Variants in SPECC1L observed in about 807,000 individuals in gnomAD.
The protein encoded by SPECC1L is sperm antigen with calponin homology and coiled-coil domains 1 like.
In SPECC1L, 40 loss-of-function variants were observed where a neutral mutation model predicts 116.8. The observed-to-expected ratio is 0.34, with a 90% CI of 0.27 to 0.45. SPECC1L has a LOEUF of 0.45. Among genes scored for constraint, SPECC1L ranks in the 20% least tolerant of loss-of-function variants. The pLI is 1.00. For missense variants in SPECC1L, 1,110 were observed against 1,373.6 expected, an observed-to-expected ratio of 0.81 and a Z score of 3.03; for synonymous variants, 504 against 500.6, an observed-to-expected ratio of 1.01 and a Z score of -0.09.
intron 4 of SPECC1L, 73 bp downstream of exon 4, chr22:24,313,539 G>A: frequency 6.5e-7 from 1 of 1,549,626 alleles, no homozygotes; most frequent in Non-Finnish European, 8.9e-7. Context: ...GGTGTTTACA[G>A]TGTTCCATCT....
chr22:24,350,035 C>T (rs527544953), intron 11 of SPECC1L, among the ~76,000 whole-genome samples: 1 of 152,304 alleles, frequency 6.6e-6, no homozygotes, highest in Admixed American at 6.5e-5. Flanking sequence ...CTTTCTTGCT[C>T]ACCCTGCCTC....
At chr22:24,276,417 A>C (rs1325073584) in intron 1 of SPECC1L, among the ~76,000 whole-genome samples, 1 of 152,114 alleles carries the variant, frequency 6.6e-6, no homozygotes, top group Non-Finnish European at 1.5e-5. Flanking sequence ...TGGGCTACGA[A>C]GCGAGACTCT....
chr22:24,277,960 T>C (rs190165935), intron 2 of SPECC1L, among the ~76,000 whole-genome samples: 303 of 152,380 alleles, frequency 2.0e-3, no homozygotes, highest in African/African-American at 6.5e-3. Context: ...GAGAAACTGC[T>C]ATAATGTTCT....
At chr22:24,293,410 G>A (rs1175385673) in intron 2 of SPECC1L, among the ~76,000 whole-genome samples, 1 of 152,106 alleles carries the variant, frequency 6.6e-6, no homozygotes, top group African/African-American at 2.4e-5. Context: ...CCGAGGTCGT[G>A]CCACTGTACT....
intron 11 of SPECC1L, among the ~76,000 whole-genome samples, chr22:24,348,411 GCCC>G (rs2041348639): frequency 6.6e-6 from 1 of 152,128 alleles, no homozygotes; most frequent in South Asian, 2.1e-4. Context: ...GGTTGAACTG[GCCC>G]TATACCTGTC....
chr22:24,296,669 TG>T (rs770467180), intron 2 of SPECC1L, among the ~76,000 whole-genome samples: 3 of 152,238 alleles, frequency 2.0e-5, no homozygotes, highest in Non-Finnish European at 2.9e-5. Flanking sequence ...AATCTCTGCC[TG>T]GGGGGGCTCT....
At chr22:24,283,288 C>T (rs528333271) in intron 2 of SPECC1L, among the ~76,000 whole-genome samples, 114 of 151,852 alleles carry the variant, frequency 7.5e-4, no homozygotes, top group Admixed American at 8.5e-4. Context: ...CCGTGTTAGC[C>T]AGGATGGTCT....
intron 9 of SPECC1L, among the ~76,000 whole-genome samples, chr22:24,335,100 AC>A (rs2041025213): frequency 6.6e-6 from 1 of 152,054 alleles, no homozygotes; most frequent in Non-Finnish European, 1.5e-5. Context: ...GTTCTTTCTT[AC>A]CACTACATCT....
intron 14 of SPECC1L, among the ~76,000 whole-genome samples, chr22:24,391,782 A>C (rs1325196176): frequency 2.0e-5 from 3 of 152,124 alleles, no homozygotes; most frequent in African/African-American, 7.2e-5. Context: ...GGAACTCTAC[A>C]GGGTTGTCTT....
chr22:24,299,569 C>T (rs1489420581), intron 2 of SPECC1L, among the ~76,000 whole-genome samples: 5 of 152,184 alleles, frequency 3.3e-5, no homozygotes, highest in African/African-American at 4.8e-5. Flanking sequence ...TGTTTCTTTT[C>T]TCCTCTTGGA....
chr22:24,363,621 A>G (rs2041689141), intron 12 of SPECC1L, among the ~76,000 whole-genome samples: 1 of 152,102 alleles, frequency 6.6e-6, no homozygotes, highest in South Asian at 2.1e-4. Flanking sequence ...ATTCTTTCTC[A>G]GTCTGTTTCC....
rs755829276 is a variant in SPECC1L, at chr22:24,322,321, G to A, written c.1341G>A (p.Glu447=). The A allele has an allele frequency of 1.2e-6, 2 of 1,614,104 alleles. No individual in the cohort carries two copies. The highest frequency in any genetic ancestry group is 1.7e-6 in the Non-Finnish European group (2 of 1,180,038). The change falls in exon 5 of 17, where the codon GAG becomes GAA. Residue 447 remains glutamate, a synonymous_variant. Transcript: ENST00000314328. Reference sequence around the variant, plus strand: ...GAGAAGAGAAGGTTATTCTGATGGAGTCTTTATGTCAGCAGAGCGATAAGT... The same window carrying A: ...GAGAAGAGAAGGTTATTCTGATGGAATCTTTATGTCAGCAGAGCGATAAGT... ...RLGEEKVILM[E]SLCQQSDKLE...
chr22:24,300,998 A>C (rs1358595522), intron 2 of SPECC1L, among the ~76,000 whole-genome samples: 1 of 152,214 alleles, frequency 6.6e-6, no homozygotes, highest in East Asian at 1.9e-4. Context: ...TGTAAAACCC[A>C]AAACCATAAA....
chr22:24,331,432 T>G (rs999581618), intron 8 of SPECC1L, among the ~76,000 whole-genome samples: 1 of 152,372 alleles, frequency 6.6e-6, no homozygotes, highest in South Asian at 2.1e-4. Flanking sequence ...ATTACATTAC[T>G]TTTTTCTCTT....
chr22:24,303,847 G>GTGTGTGTA (rs2049434519), intron 3 of SPECC1L, among the ~76,000 whole-genome samples: 2 of 26,456 alleles, frequency 7.6e-5, no homozygotes, highest in Non-Finnish European at 1.3e-4. Context: ...TAAATAGGGT[G>GTGTGTGTA]TGTGTGTGTG....
At chr22:24,346,455 A>G (rs921254883) in intron 10 of SPECC1L, among the ~76,000 whole-genome samples, 5 of 152,330 alleles carry the variant, frequency 3.3e-5, no homozygotes, top group Non-Finnish European at 7.3e-5. Flanking sequence ...GATTTATTTG[A>G]ACCAGGACTT....
chr22:24,313,214 C>T, intron 3 of SPECC1L, 99 bp from the exon 4 acceptor site: 1 of 1,269,180 alleles, frequency 7.9e-7, no homozygotes, highest in Non-Finnish European at 1.1e-6. Context: ...GGTAATAGGG[C>T]TCTTGAACTT....
intron 14 of SPECC1L, among the ~76,000 whole-genome samples, chr22:24,400,292 A>G (rs1004508047): frequency 3.3e-5 from 5 of 152,352 alleles, no homozygotes; most frequent in East Asian, 1.9e-4. Context: ...GGATTTGACT[A>G]TGGATATTTC....
At position 24,417,220 on chromosome 22, in the gene SPECC1L, A is replaced by G. The variant is rs1298064764; in HGVS notation, c.*2597A>G. Reference sequence around the variant, plus strand: ...ACGTTTAAATGTTGTTCTAGTAAATATTCTTGAATGTATTAAAATGGCTGA... The same window carrying G: ...ACGTTTAAATGTTGTTCTAGTAAATGTTCTTGAATGTATTAAAATGGCTGA... On this transcript the variant is annotated 3_prime_UTR_variant, in exon 17 of 17. Transcript: ENST00000314328. 1.3e-5 allele frequency: 2 copies of G among 152,560 alleles called. No homozygotes were observed. The highest frequency in any genetic ancestry group is 4.8e-5 in the African/African-American group (2 of 41,442). The allele number at this position is 152,560 out of a possible 1,614,324, so 9.5% of individuals were successfully genotyped here. A position where few individuals can be genotyped will look rare whatever the true frequency, so the allele number is the denominator to read the frequency against.
Sources: allele counts gnomAD v4.1 joint callset (sites outside exome capture counted in the v4.1 genomes callset), GRCh38; gene constraint gnomAD v4.1.1; transcripts MANE v1.5; gene names NCBI Gene and HGNC (gene_info 2026-07-23, HGNC 2026-07-21).